Variants in CCDC3 observed in about 807,000 individuals in gnomAD.
CCDC3 encodes the protein coiled-coil domain containing 3, also known as coiled-coil domain-containing protein 3.
CCDC3 carries 24 observed loss-of-function variants against 21.4 expected under a neutral mutation model. The ratio of observed to expected loss-of-function variants is 1.12; its 90% CI spans 0.81 to 1.58. The LOEUF (loss-of-function observed/expected upper bound fraction) is 1.58, where lower values mean the gene tolerates loss of function less well. CCDC3 is among the 40% of genes most tolerant of loss of function. The probability of loss-of-function intolerance (pLI) is 0.00; values close to 1 mark genes in which losing one functional copy is unlikely to be tolerated. For missense variants in CCDC3, 425 were observed against 360.9 expected (o/e 1.18, Z -1.44); for synonymous variants, 186 against 166.0 (o/e 1.12, Z -0.93).
chr10:13,080,787 G>A (rs1290521549), intron 3 of CCDC3, among the ~76,000 whole-genome samples: 3 of 152,374 alleles, frequency 2.0e-5, no homozygotes, highest in East Asian at 3.9e-4. Flanking sequence ...CACTTCCTGT[G>A]TCAGGGAGGG....
At chr10:12,992,694 G>A (rs1397889441) in intron 2 of CCDC3, among the ~76,000 whole-genome samples, 1 of 152,052 alleles carries the variant, frequency 6.6e-6, no homozygotes, top group Admixed American at 6.6e-5. Context: ...ACTACACACT[G>A]GGTACAGTAT....
chr10:12,997,912 G>A (rs1835786939), intron 2 of CCDC3, among the ~76,000 whole-genome samples: 1 of 152,034 alleles, frequency 6.6e-6, no homozygotes, highest in African/African-American at 2.4e-5. Flanking sequence ...AACGATAGCT[G>A]ATAAGCAAAA....
At chr10:13,075,889 A>AAAAAT (rs1225781902) in intron 3 of CCDC3, among the ~76,000 whole-genome samples, 2 of 152,112 alleles carry the variant, frequency 1.3e-5, no homozygotes, top group Admixed American at 6.5e-5. Flanking sequence ...TCTCTACTAA[A>AAAAAT]AAAATAAAAT....
chr10:13,045,947 G>A (rs2131421561), intron 5 of CCDC3, among the ~76,000 whole-genome samples: 1 of 151,744 alleles, frequency 6.6e-6, no homozygotes, highest in East Asian at 2.0e-4. Context: ...AAATTAGCCG[G>A]GTGCGGTGGC....
At chr10:12,975,570 C>T (rs1004730930) in intron 2 of CCDC3, among the ~76,000 whole-genome samples, 2 of 152,180 alleles carry the variant, frequency 1.3e-5, no homozygotes, top group African/African-American at 2.4e-5. Context: ...GCAAGCCTCC[C>T]TTTGTGCAGG....
chr10:13,030,863 C>G (rs1458047921), intron 5 of CCDC3, among the ~76,000 whole-genome samples: 1 of 152,118 alleles, frequency 6.6e-6, no homozygotes, highest in Admixed American at 6.6e-5. Context: ...TAGAGACCTA[C>G]AAAGAGACTT....
At chr10:12,968,108 G>T (rs929459179) in intron 2 of CCDC3, among the ~76,000 whole-genome samples, 7 of 151,684 alleles carry the variant, frequency 4.6e-5, no homozygotes, top group Non-Finnish European at 7.4e-5. Context: ...GGCAGAGTTT[G>T]CAGGCAGCCA....
At chr10:12,976,664 A>C (rs1310496132) in intron 2 of CCDC3, among the ~76,000 whole-genome samples, 1 of 152,242 alleles carries the variant, frequency 6.6e-6, no homozygotes, top group East Asian at 1.9e-4. Context: ...TCCAATATGC[A>C]GAATAATTTA....
chr10:12,955,862 C>T lies in CCDC3; in HGVS notation c.549+42476G>A, dbSNP rs189157563. On this transcript the variant is annotated intron_variant, in intron 2 of 2. Transcript: ENST00000378825. ...AGTAACTGGGATTACAAGCATGTGC[C>T]ACCTGCCTGGCTAATTTTATATTTT... 1.1e-3 allele frequency among the ~76,000 whole-genome samples: 174 copies of T among 152,306 alleles called. 4 individuals carry two copies. In the East Asian group the frequency reaches 0.024, roughly 21 times the overall value.
At chr10:13,061,595 G>C (rs1191034370) in intron 4 of CCDC3, among the ~76,000 whole-genome samples, 1 of 152,194 alleles carries the variant, frequency 6.6e-6, no homozygotes, top group Non-Finnish European at 1.5e-5. Context: ...AGGGAGGCAT[G>C]AGACATCAAT....
intron 2 of CCDC3, among the ~76,000 whole-genome samples, chr10:12,930,387 T>C (rs760888537): frequency 6.6e-6 from 1 of 152,240 alleles, no homozygotes; most frequent in Non-Finnish European, 1.5e-5. Context: ...TTCTGTTGAC[T>C]CATTCTGAAC....
At position 13,011,869 on chromosome 10, in the gene CCDC3, A is replaced by C. The variant is rs183820999; in HGVS notation, c.-1-13357T>G. Among the ~76,000 whole-genome samples, 195 of 152,338 alleles carry C rather than the reference A, an allele frequency of 1.3e-3. 2 individuals are homozygous for C. The highest frequency in any genetic ancestry group is 4.0e-3 in the African/African-American group (166 of 41,574). ...ACAGACAAATACACCAATGGAACAG[A>C]ATAGTGAGCCTAGAAATAAAGGCAC... On this transcript the variant is annotated intron_variant, in intron 5 of 6. Coordinates refer to the CCDC3 transcript ENST00000378839.
intron 5 of CCDC3, among the ~76,000 whole-genome samples, chr10:13,029,524 G>A (rs1266492062): frequency 1.3e-5 from 2 of 151,888 alleles, no homozygotes; most frequent in East Asian, 1.9e-4. Flanking sequence ...TCAGACGATC[G>A]GTAATAATAA....
chr10:13,079,917 T>TA (rs200765834), intron 3 of CCDC3, among the ~76,000 whole-genome samples: 11 of 151,424 alleles, frequency 7.3e-5, no homozygotes, highest in South Asian at 2.1e-4. Context: ...TAGACGAGGT[T>TA]AAAAAAAGAA....
chr10:12,971,459 C>T (rs192544306), intron 2 of CCDC3, among the ~76,000 whole-genome samples: 38 of 152,296 alleles, frequency 2.5e-4, no homozygotes, highest in Non-Finnish European at 4.4e-4. Flanking sequence ...AAGAAGGAAC[C>T]CACACTCTAG....
chr10:12,916,500 T>C (rs1297177050), intron 2 of CCDC3, among the ~76,000 whole-genome samples: 1 of 148,604 alleles, frequency 6.7e-6, no homozygotes, highest in Non-Finnish European at 1.5e-5. Flanking sequence ...GCTCAAAGCC[T>C]GAAGCTATGT....
Position 12,937,832 on chromosome 10 carries a change from C to T in CCDC3, c.550-39153G>A, listed in dbSNP as rs149629207. Among the ~76,000 whole-genome samples the T allele has an allele frequency of 5.6e-3, 856 of 152,284 alleles. 10 individuals carry two copies. The highest frequency in any genetic ancestry group is 0.02 in the African/African-American group (815 of 41,540). ...CGGTCCCCTTACAAGAGTACTTCTC[C>T]AGTGTCTGCCATCATTAAGCCATTA... On this transcript the variant is annotated intron_variant, in intron 2 of 2. Transcript: ENST00000378825.
In CCDC3 at chr10:12,999,817, GT is replaced by G. The variant is rs1191940614; in HGVS notation, c.375-1306del. On this transcript the variant is annotated intron_variant, in intron 1 of 2. Coordinates refer to ENST00000378825, the MANE Select transcript of CCDC3 (RefSeq NM_031455.4). ...CTGGTTTTGAATAGTTTTATAGATGGTTTCTCAGTATCTTTCCTAATTAAAA... is the reference window on the plus strand; with the variant it reads ...CTGGTTTTGAATAGTTTTATAGATGGTTCTCAGTATCTTTCCTAATTAAAA... 4.6e-5 allele frequency among the ~76,000 whole-genome samples: 7 copies of G among 152,242 alleles called. No homozygotes were observed. The East Asian group carries it at 1.2e-3, about 25-fold the overall frequency.
chr10:13,093,183 T>C (rs1832596081), intron 3 of CCDC3, among the ~76,000 whole-genome samples: 2 of 152,154 alleles, frequency 1.3e-5, no homozygotes, highest in Non-Finnish European at 2.9e-5. Flanking sequence ...AGAGGTTTAA[T>C]GGACTCACAG....
Sources: allele counts gnomAD v4.1 joint callset (sites outside exome capture counted in the v4.1 genomes callset), GRCh38; gene constraint gnomAD v4.1.1; transcripts MANE v1.5; gene names NCBI Gene and HGNC (gene_info 2026-07-23, HGNC 2026-07-21).